The following HS3ST2 variants were observed in gnomAD, a reference collection of about 807,000 sequenced individuals.
HS3ST2 encodes heparan sulfate-glucosamine 3-sulfotransferase 2.
A neutral mutation model predicts 26.3 loss-of-function variants in HS3ST2; 17 were observed. The observed-to-expected ratio is 0.65, with a 90% CI of 0.44 to 0.97. HS3ST2 has a LOEUF of 0.97. HS3ST2 is among the 50% of genes least tolerant of loss of function. The pLI is 0.00. For synonymous variants in HS3ST2, 237 were observed against 219.2 expected (o/e 1.08, Z -0.72); for missense variants, 402 against 501.2 (o/e 0.80, Z 1.89).
chr16:22,889,914 A>G (rs1902108040), intron 1 of HS3ST2, among the ~76,000 whole-genome samples: 1 of 152,212 alleles, frequency 6.6e-6, no homozygotes, highest in East Asian at 1.9e-4. Flanking sequence ...ATATTTTTTA[A>G]AAAATAAAGT....
At position 22,915,403 on chromosome 16, in the gene HS3ST2, A is replaced by G. The variant is rs1015092635; in HGVS notation, c.945A>G (p.Lys315=). The part of the protein sequence containing the change: ...FNKTKGFPCL[K]KTESSLLPRC... ...AGACCAAAGGATTCCCTTGCTTGAA[A>G]AAAACAGAATCGAGCCTCCTGCCTC... Residue 315 remains lysine (K), a synonymous_variant, in exon 2 of 2, where the codon AAA becomes AAG. Coordinates refer to ENST00000261374, the MANE Select transcript of HS3ST2 (RefSeq NM_006043.2). 1.9e-6 allele frequency: 3 copies of G among 1,614,216 alleles called. No homozygotes were observed. The highest frequency in any genetic ancestry group is 1.6e-4 in the Middle Eastern group (1 of 6,062).
At chr16:22,815,295 C>T (rs779992644) in intron 1 of HS3ST2, among the ~76,000 whole-genome samples, 200 bp downstream of exon 1, 7 of 152,234 alleles carry the variant, frequency 4.6e-5, no homozygotes, top group Non-Finnish European at 1.0e-4. Context: ...TCTGGAACTG[C>T]AAAGGGCGTT....
chr16:22,832,151 C>CTTTTTTTTTT (rs71151684), intron 1 of HS3ST2, among the ~76,000 whole-genome samples: 81 of 115,452 alleles, frequency 7.0e-4, no homozygotes, highest in South Asian at 1.3e-3. Flanking sequence ...CCCAGCTGAT[C>CTTTTTTTTTT]TTTTTTTTTT....
At chr16:22,865,882 A>G (rs1210939531) in intron 1 of HS3ST2, among the ~76,000 whole-genome samples, 2 of 152,198 alleles carry the variant, frequency 1.3e-5, no homozygotes, top group Non-Finnish European at 2.9e-5. Context: ...TGTTATTAGC[A>G]TGCCTCATAA....
intron 1 of HS3ST2, among the ~76,000 whole-genome samples, chr16:22,867,705 G>A (rs1901776723): frequency 6.6e-6 from 1 of 152,210 alleles, no homozygotes; most frequent in African/African-American, 2.4e-5. Flanking sequence ...TCCACTTTTA[G>A]TGCTATTGTG....
At chr16:22,900,642 T>C (rs968200209) in intron 1 of HS3ST2, among the ~76,000 whole-genome samples, 3 of 149,250 alleles carry the variant, frequency 2.0e-5, no homozygotes, top group Admixed American at 1.3e-4. Flanking sequence ...ATAACTGAAG[T>C]GTGTATGGAG....
chr16:22,849,705 G>T (rs1451120243), intron 1 of HS3ST2, among the ~76,000 whole-genome samples: 1 of 152,148 alleles, frequency 6.6e-6, no homozygotes, highest in Non-Finnish European at 1.5e-5. Flanking sequence ...TCTGCCTGGA[G>T]GCAGCTTCAG....
intron 1 of HS3ST2, among the ~76,000 whole-genome samples, chr16:22,885,766 T>A (rs2141198761): frequency 6.6e-6 from 1 of 152,262 alleles, no homozygotes; most frequent in East Asian, 1.9e-4. Context: ...TAGTCCTTAA[T>A]TTTTTACTGA....
chr16:22,915,324 A>G lies in HS3ST2; in HGVS notation c.866A>G (p.Gln289Arg). The G allele has an allele frequency of 1.9e-6, 3 of 1,614,122 alleles. No individual in the cohort carries two copies. The highest frequency in any genetic ancestry group is 2.5e-6 in the Non-Finnish European group (3 of 1,180,012). Residue 289 changes from glutamine (Q) to arginine (R), a missense_variant, in exon 2 of 2, where the codon CAG becomes CGG. Transcript: ENST00000261374. ...TDPAGEMGRV[Q>R]DFLGIKRFIT... ...CCGGCCGGCGAGATGGGGCGAGTCC[A>G]GGACTTCCTGGGCATTAAGAGATTC...
In HS3ST2 at chr16:22,892,889, A is replaced by G. The variant is rs1476497616; in HGVS notation, c.486-22055A>G. On this transcript the variant is annotated intron_variant, in intron 1 of 1. Coordinates refer to ENST00000261374, the MANE Select transcript of HS3ST2 (RefSeq NM_006043.2). The stretch of plus-strand genomic sequence containing the variant: ...ATAGAAACTTTATAGTTATTATGTC[A>G]AATTCAATTTTTAAAATCCTTTTGG... Among the ~76,000 whole-genome samples the G allele has an allele frequency of 2.0e-5, 3 of 152,192 alleles. No homozygotes were observed. In the East Asian group the frequency reaches 5.8e-4, roughly 29 times the overall value.
intron 1 of HS3ST2, among the ~76,000 whole-genome samples, chr16:22,825,883 C>T (rs916432204): frequency 6.6e-5 from 10 of 152,082 alleles, no homozygotes; most frequent in African/African-American, 9.7e-5. Flanking sequence ...ATTAGCTGGG[C>T]GTGGTGGCGT....
rs115428454 is a variant in HS3ST2 at position 22,838,810 on chromosome 16, G to A, written c.485+23715G>A. On this transcript the variant is annotated intron_variant, in intron 1 of 1. Coordinates refer to ENST00000261374, the MANE Select transcript of HS3ST2 (RefSeq NM_006043.2). The stretch of plus-strand genomic sequence containing the variant: ...CAGTGTCTGCTAGGTTGTGCCTTAC[G>A]ACCTCTTGAAGCCTGGGAGAGAGTT... 6.2e-3 allele frequency among the ~76,000 whole-genome samples: 951 copies of A among 152,252 alleles called. 13 individuals are homozygous for A. Among genetic ancestry groups the A allele is most frequent in the African/African-American group, 0.022 (903 of 41,544 alleles).
intron 1 of HS3ST2, among the ~76,000 whole-genome samples, chr16:22,871,334 G>A (rs938147045): frequency 1.2e-4 from 17 of 146,372 alleles, no homozygotes; most frequent in East Asian, 8.1e-4. Context: ...CTAGCCTGGC[G>A]ACAGAGCGAC....
rs148523964 is a variant in HS3ST2, at chr16:22,854,135, G to A, written c.485+39040G>A. ...ATATCTTCCCGTTGTTGTGCATAGG[G>A]GAATGGCAACTTGGTTGTGTGTGTA... On this transcript the variant is annotated intron_variant, in intron 1 of 1. Transcript: ENST00000261374. 5.7e-3 allele frequency among the ~76,000 whole-genome samples: 873 copies of A among 152,226 alleles called. 11 individuals are homozygous for A. The highest frequency in any genetic ancestry group is 0.02 in the African/African-American group (823 of 41,542).
intron 1 of HS3ST2, among the ~76,000 whole-genome samples, chr16:22,862,561 G>A (rs376023065): frequency 3.3e-5 from 5 of 152,196 alleles, no homozygotes; most frequent in South Asian, 2.1e-4. Flanking sequence ...AGCATTTGAT[G>A]TGTGGGTTCT....
intron 1 of HS3ST2, among the ~76,000 whole-genome samples, chr16:22,869,947 T>C (rs1567492660): frequency 6.6e-6 from 1 of 152,146 alleles, no homozygotes; most frequent in Non-Finnish European, 1.5e-5. Context: ...GAAAATTGGA[T>C]GGAAATAGCT....
At chr16:22,817,428 G>A (rs982622801) in intron 1 of HS3ST2, among the ~76,000 whole-genome samples, 11 of 152,114 alleles carry the variant, frequency 7.2e-5, no homozygotes, top group South Asian at 2.1e-4. Flanking sequence ...TCTGTGCAGG[G>A]TAATACTACC....
rs1159743355 is a variant in HS3ST2 at position 22,915,338 on chromosome 16, A to G, written c.880A>G (p.Ile294Val). 13 of 1,613,994 alleles carry G rather than the reference A, an allele frequency of 8.1e-6. No homozygotes were observed. The highest frequency in any genetic ancestry group is 1.1e-5 in the Non-Finnish European group (13 of 1,180,040). ...GGGGCGAGTCCAGGACTTCCTGGGC[A>G]TTAAGAGATTCATCACGGACAAGCA... ...EMGRVQDFLG[I>V]KRFITDKHFY... Residue 294 changes from isoleucine (I) to valine (V), a missense_variant, in exon 2 of 2, where the codon ATT becomes GTT. This residue lies in a region of HS3ST2 where 237 missense variants were observed against 346.6 expected (regional missense o/e 0.68). Transcript: ENST00000261374.
chr16:22,863,560 C>T (rs1324945159), intron 1 of HS3ST2, among the ~76,000 whole-genome samples: 2 of 152,198 alleles, frequency 1.3e-5, no homozygotes, highest in Non-Finnish European at 2.9e-5. Context: ...ACACAACAGT[C>T]AGTTTTTCAA....
Sources: allele counts gnomAD v4.1 joint callset (sites outside exome capture counted in the v4.1 genomes callset), GRCh38; gene constraint gnomAD v4.1.1; regional missense constraint gnomAD v4.1.1; transcripts MANE v1.5; gene names NCBI Gene and HGNC (gene_info 2026-07-23, HGNC 2026-07-21).